The following SCN4A variants were observed in gnomAD, a reference collection of about 807,000 sequenced individuals.
The protein encoded by SCN4A is sodium voltage-gated channel alpha subunit 4, also known as sodium channel protein type 4 subunit alpha.
A neutral mutation model predicts 162.0 loss-of-function variants in SCN4A; 83 were observed. The observed-to-expected ratio is 0.51, with a 90% confidence interval of 0.43 to 0.61. SCN4A has a LOEUF of 0.61. Ranked by LOEUF, SCN4A falls within the 20% of genes least tolerant of loss-of-function variation. The pLI, the probability that SCN4A is intolerant of heterozygous loss-of-function variation, is 0.00. For missense variants in SCN4A, 2,196 were observed against 2,462.5 expected, an observed-to-expected ratio of 0.89 and a Z score of 2.29; for synonymous variants, 944 against 985.1, an observed-to-expected ratio of 0.96 and a Z score of 0.78.
At chr17:63,943,170 GCACAGGA>G in intron 22 of SCN4A, 74 bp from the exon 23 acceptor site, 2 of 1,431,280 alleles carry the variant, frequency 1.4e-6, no homozygotes, top group South Asian at 2.5e-5. Flanking sequence ...CAGGCAGGAG[GCACAGGA>G]TGGCACCACA....
At position 63,959,336 on chromosome 17, in the gene SCN4A, C is replaced by T. The variant is rs1288151352; in HGVS notation, c.1948G>A (p.Val650Ile). 7 of 1,613,844 alleles carry T rather than the reference C, an allele frequency of 4.3e-6. No homozygotes were observed. The highest frequency in any genetic ancestry group is 2.2e-5 in the South Asian group (2 of 91,082). The change falls in exon 12 of 24, where the codon GTC (valine) becomes ATC (isoleucine). Residue 650 changes from valine (V) to isoleucine (I), a missense_variant. By Grantham distance (29) the Val-to-Ile change is conservative. Transcript: ENST00000435607. ...QGWNIFDSIIVTLSLVELGLA... is the reference protein window; with the variant it reads ...QGWNIFDSIIITLSLVELGLA... ...CCTAGCTCTACCAGGCTGAGGGTGA[C>T]GATGATGCTGTCGAAGATATTCCAA...
intron 5 of SCN4A, 28 bp from the exon 6 acceptor site, chr17:63,968,383 G>A: frequency 6.4e-7 from 1 of 1,557,088 alleles, no homozygotes; most frequent in Non-Finnish European, 8.7e-7. Flanking sequence ...AAGGATATTG[G>A]CAGGGGGCAG....
At chr17:63,958,002 T>TAAAAAA (rs60393540) in intron 12 of SCN4A, among the ~76,000 whole-genome samples, 7 of 55,166 alleles carry the variant, frequency 1.3e-4, no homozygotes, top group Non-Finnish European at 2.1e-4. Flanking sequence ...AAAACTCCAC[T>TAAAAAA]AAAAAAAAAA....
chr17:63,952,242 A>G (rs908075521), intron 13 of SCN4A, among the ~76,000 whole-genome samples: 3 of 149,946 alleles, frequency 2.0e-5, no homozygotes, highest in Non-Finnish European at 4.4e-5. Flanking sequence ...TGTTGCCTCC[A>G]GACTCCGGGC....
intron 23 of SCN4A, 141 bp downstream of exon 23, chr17:63,942,685 T>G: frequency 1.2e-6 from 1 of 845,574 alleles, no homozygotes. Context: ...CTTTGTGCAT[T>G]GAGAGTGAAT....
chr17:63,948,058 G>T lies in SCN4A; in HGVS notation c.3150C>A (p.Phe1050Leu). The T allele has an allele frequency of 6.3e-7, 1 of 1,598,708 alleles. No homozygotes were observed. The highest frequency in any genetic ancestry group is 1.1e-5 in the South Asian group (1 of 90,220). Residue 1050 changes from phenylalanine (F) to leucine (L), a missense_variant, in exon 17 of 24, where the codon TTC becomes TTA. By Grantham distance (22) the Phe-to-Leu change is conservative (BLOSUM62 0). Transcript: ENST00000435607. The part of the protein sequence containing the change: ...MILLSSGALA[F>L]EDIYIEQRRV... The stretch of plus-strand genomic sequence containing the variant: ...GCCGCTGCTCAATGTAGATGTCCTC[G>T]AAGGCCTGGGGGCACCAGCACCACC...
rs1474482385 is a variant in SCN4A, at chr17:63,968,049, T to C, written c.1010A>G (p.Asp337Gly). The C allele has an allele frequency of 6.2e-7, 1 of 1,613,780 alleles. No homozygotes were observed. Among genetic ancestry groups the C allele is most frequent in the Admixed American group, 1.7e-5 (1 of 60,006 alleles). Residue 337 changes from aspartate (D) to glycine (G), a missense_variant, in exon 6 of 24, where the codon GAT (aspartate) becomes GGT (glycine). Transcript: ENST00000435607. ...TTCATCACTGATGTAGGCGTCCCAA[T>C]CAAAGGTATCGTTGGTGGCCCAGCT... ...HASWATNDTF[D>G]WDAYISDEGN...
At chr17:63,969,546 G>A (rs1205606024) in intron 5 of SCN4A, among the ~76,000 whole-genome samples, 2 of 152,258 alleles carry the variant, frequency 1.3e-5, no homozygotes, top group Non-Finnish European at 2.9e-5. Context: ...AATTTGGGAA[G>A]TGCTTCCTCT....
intron 17 of SCN4A, among the ~76,000 whole-genome samples, chr17:63,947,414 G>C (rs915627120): frequency 7.3e-6 from 1 of 136,200 alleles, no homozygotes. Flanking sequence ...GATGGTACCC[G>C]ACTCCTTCGG....
chr17:63,964,498 C>G lies in SCN4A; in HGVS notation c.1422G>C (p.Lys474Asn). The G allele has an allele frequency of 2.5e-6, 4 of 1,614,070 alleles. No homozygotes were observed. Among genetic ancestry groups the G allele is most frequent in the Non-Finnish European group, 3.4e-6 (4 of 1,179,898 alleles). Residue 474 changes from lysine (K) to asparagine (N), a missense_variant, in exon 9 of 24, where the codon AAG becomes AAC. By Grantham distance (94) the Lys-to-Asn change is moderately conservative. Transcript: ENST00000435607. The part of the protein sequence containing the change: ...KEEEFQQMLE[K>N]FKKHQEELEK... ...CCAGCTCCTCCTGGTGCTTTTTGAACTTCTCAAGCATCTGCTGAAACTCCT... is the reference window on the plus strand; with the variant it reads ...CCAGCTCCTCCTGGTGCTTTTTGAAGTTCTCAAGCATCTGCTGAAACTCCT...
intron 12 of SCN4A, among the ~76,000 whole-genome samples, chr17:63,958,563 T>C (rs999186716): frequency 2.6e-5 from 4 of 151,786 alleles, no homozygotes; most frequent in African/African-American, 9.7e-5. Context: ...GTTGTTGTTG[T>C]TTTTTTTGAG....
rs1908672667 is a variant in SCN4A, at chr17:63,945,186, T to C, written c.3721-126A>G. The C allele has an allele frequency of 9.3e-7, 1 of 1,072,094 alleles. No homozygotes were observed. Among genetic ancestry groups the C allele is most frequent in the African/African-American group, 1.6e-5 (1 of 63,858 alleles). The allele number at this position is 1,072,094 out of a possible 1,614,324, so 66.4% of individuals were successfully genotyped here. On this transcript the variant is annotated intron_variant, in intron 19 of 23. Transcript: ENST00000435607. The surrounding 1 kb of genome is among the most constrained non-coding windows in gnomAD (Gnocchi z 4.4). ...GCCGCCTGCCAGAGCCCCACTGGGC[T>C]AGCATCAAATAAAGACCAGAGAGGT... is the stretch of plus-strand genomic sequence containing the variant.
Position 63,945,065 on chromosome 17 carries a change from G to C in SCN4A, c.3721-5C>G, listed in dbSNP as rs1300889624. 1 of 1,613,544 alleles carries C rather than the reference G, an allele frequency of 6.2e-7. No homozygotes were observed. Reference sequence around the variant, plus strand: ...CATCCAACCCTTGAAGGTGGCCTGAGAGAGTGTGGTTGGGGAGTGAGCCGG... The same window carrying C: ...CATCCAACCCTTGAAGGTGGCCTGACAGAGTGTGGTTGGGGAGTGAGCCGG... On this transcript the variant is annotated splice_region_variant and splice_polypyrimidine_tract_variant and intron_variant, in intron 19 of 23. Transcript: ENST00000435607. The surrounding 1 kb of genome is among the most constrained non-coding windows in gnomAD (Gnocchi z 4.4).
Position 63,964,632 on chromosome 17 carries a change from T to A in SCN4A, c.1288A>T (p.Ile430Phe). ...GKTYMIFFVV[I>F]IFLGSFYLIN... ...AGGTAGAAAGAGCCCAGGAAGATGA[T>A]GACCACGAAGAAGATCATGTAGGTC... is the stretch of plus-strand genomic sequence containing the variant. The change falls in exon 9 of 24, where the codon ATC (isoleucine) becomes TTC (phenylalanine). Residue 430 changes from isoleucine to phenylalanine, a missense_variant. Transcript: ENST00000435607. 1 of 1,612,740 alleles carries A rather than the reference T, an allele frequency of 6.2e-7. No individual in the cohort carries two copies. Among genetic ancestry groups the A allele is most frequent in the Non-Finnish European group, 8.5e-7 (1 of 1,179,516 alleles).
chr17:63,962,891 T>C (rs1479838721), intron 10 of SCN4A, among the ~76,000 whole-genome samples: 3 of 152,136 alleles, frequency 2.0e-5, no homozygotes, highest in Admixed American at 1.3e-4. Flanking sequence ...ATACCTGTCA[T>C]ACAAGGTCAG....
At chr17:63,948,157 G>GAACCAAAGCCTGCACCAAA in intron 16 of SCN4A, 94 bp from the exon 17 acceptor site, 1 of 1,025,630 alleles carries the variant, frequency 9.8e-7, no homozygotes, top group Non-Finnish European at 1.4e-6. Flanking sequence ...GGTTCCCGGG[G>GAACCAAAGCCTGCACCAAA]GTCTGCCGTG....
At position 63,942,986 on chromosome 17, in the gene SCN4A, G is replaced by A. The variant is rs1567817005; in HGVS notation, c.4128C>T (p.Asn1376=). Residue 1376 remains asparagine, a synonymous_variant, in exon 23 of 24, where the codon AAC becomes AAT. Coordinates refer to ENST00000435607, the MANE Select transcript of SCN4A (RefSeq NM_000334.4). ...GGATGTCCACCTTGAGCTGGCTCTG[G>A]TTGTCTGTCTCCACCATCATGGTGA... ...NMVTMMVETD[N]QSQLKVDILY... 1.2e-6 allele frequency: 2 copies of A among 1,614,004 alleles called. No individual in the cohort carries two copies. Among genetic ancestry groups the A allele is most frequent in the African/African-American group, 1.3e-5 (1 of 75,056 alleles).
intron 13 of SCN4A, among the ~76,000 whole-genome samples, chr17:63,954,277 A>G (rs1909005666): frequency 6.6e-6 from 1 of 152,214 alleles, no homozygotes; most frequent in South Asian, 2.1e-4. Context: ...AGAATGTGCT[A>G]GGGGAATTTC....
chr17:63,958,672 C>T (rs919531921), intron 12 of SCN4A, among the ~76,000 whole-genome samples: 15 of 152,176 alleles, frequency 9.9e-5, no homozygotes, highest in African/African-American at 3.6e-4. Context: ...CCTGCCTCAG[C>T]CTCCCAAGTA....
Sources: allele counts gnomAD v4.1 joint callset (sites outside exome capture counted in the v4.1 genomes callset), GRCh38; gene constraint gnomAD v4.1.1; non-coding constraint Gnocchi (gnomAD v3.1); transcripts MANE v1.5; gene names NCBI Gene and HGNC (gene_info 2026-07-23, HGNC 2026-07-21).